RUNDC3B: variants seen among roughly 807,000 people sequenced by gnomAD.
RUNDC3B encodes the protein RUN domain-containing protein 3B.
A neutral mutation model predicts 58.4 loss-of-function variants in RUNDC3B; 33 were observed. The ratio of observed to expected loss-of-function variants is 0.56; its 90% CI spans 0.43 to 0.75. RUNDC3B has a LOEUF of 0.75. Among genes scored for constraint, RUNDC3B ranks in the 30% least tolerant of loss-of-function variants. RUNDC3B has a pLI of 0.00. For synonymous variants in RUNDC3B, 193 were observed against 195.2 expected, an observed-to-expected ratio of 0.99 and a Z score of 0.10; for missense variants, 501 against 535.7, an observed-to-expected ratio of 0.94 and a Z score of 0.64.
chr7:87,644,119 A>G (rs1822740103), intron 1 of RUNDC3B, among the ~76,000 whole-genome samples: 1 of 152,208 alleles, frequency 6.6e-6, no homozygotes, highest in African/African-American at 2.4e-5. Flanking sequence ...TTGGCCTCCC[A>G]AAGTGTTGGG....
At chr7:87,732,078 G>A (rs1345206138) in intron 4 of RUNDC3B, among the ~76,000 whole-genome samples, 2 of 152,052 alleles carry the variant, frequency 1.3e-5, no homozygotes, top group East Asian at 3.9e-4. Context: ...TGACTACAAG[G>A]CGGTAAAACT....
At chr7:87,748,006 A>G (rs1358385446) in intron 6 of RUNDC3B, among the ~76,000 whole-genome samples, 3 of 152,066 alleles carry the variant, frequency 2.0e-5, no homozygotes, top group African/African-American at 7.2e-5. Flanking sequence ...GAGGCTTCTC[A>G]CCTCGTTCAA....
chr7:87,806,187 A>C (rs1215697750), intron 8 of RUNDC3B, among the ~76,000 whole-genome samples: 2 of 152,172 alleles, frequency 1.3e-5, no homozygotes, highest in African/African-American at 4.8e-5. Context: ...ATAGTGGAAC[A>C]AGTATTTTTC....
At chr7:87,704,451 A>G (rs1196509506) in intron 3 of RUNDC3B, among the ~76,000 whole-genome samples, 1 of 152,250 alleles carries the variant, frequency 6.6e-6, no homozygotes, top group East Asian at 1.9e-4. Context: ...TTATAAAACT[A>G]GCATATCCCA....
At chr7:87,728,128 G>T (rs1008407646) in intron 4 of RUNDC3B, among the ~76,000 whole-genome samples, 30 of 152,056 alleles carry the variant, frequency 2.0e-4, no homozygotes, top group African/African-American at 7.2e-4. Flanking sequence ...TCCAGTGTTT[G>T]CAGCTCATTA....
chr7:87,698,491 G>A (rs559846558), intron 2 of RUNDC3B, among the ~76,000 whole-genome samples: 68 of 152,280 alleles, frequency 4.5e-4, no homozygotes, highest in Non-Finnish European at 7.9e-4. Context: ...AAATATATTT[G>A]TGCAAAATAT....
rs115089663 is a variant in RUNDC3B, at chr7:87,673,767, G to T, written c.238+22830G>T. Among the ~76,000 whole-genome samples the T allele has an allele frequency of 3.8e-3, 578 of 152,300 alleles. 9 individuals carry two copies. Among genetic ancestry groups the T allele is most frequent in the African/African-American group, 0.013 (542 of 41,556 alleles). ...TTGCTGGGAAACTAGGTAGTTGTTT[G>T]GAGGTAATAAGACACTCTGGCTGTT... On this transcript the variant is annotated intron_variant, in intron 2 of 10. Coordinates refer to ENST00000394654, the MANE Select transcript of RUNDC3B (RefSeq NM_001134405.2).
At chr7:87,696,228 A>G (rs1828481247) in intron 2 of RUNDC3B, among the ~76,000 whole-genome samples, 1 of 152,216 alleles carries the variant, frequency 6.6e-6, no homozygotes, top group Admixed American at 6.5e-5. Context: ...TCTTCAAGAT[A>G]TAGAGTAGTC....
At chr7:87,714,364 G>A (rs1469918490) in intron 4 of RUNDC3B, among the ~76,000 whole-genome samples, 4 of 152,196 alleles carry the variant, frequency 2.6e-5, no homozygotes, top group African/African-American at 9.7e-5. Context: ...GGGTAGGTTA[G>A]TGAGGGATTT....
At chr7:87,807,307 C>A in intron 8 of RUNDC3B, 66 bp from the exon 9 acceptor site, 3 of 1,522,738 alleles carry the variant, frequency 2.0e-6, no homozygotes, top group Non-Finnish European at 1.8e-6. Context: ...TAAATTGATA[C>A]CATTAGGTTC....
chr7:87,696,408 A>C (rs973697792), intron 2 of RUNDC3B, among the ~76,000 whole-genome samples: 2 of 152,160 alleles, frequency 1.3e-5, no homozygotes, highest in African/African-American at 4.8e-5. Flanking sequence ...CTAGCAGTTA[A>C]TCTGTATTTA....
intron 4 of RUNDC3B, among the ~76,000 whole-genome samples, chr7:87,721,832 T>C (rs1584003387): frequency 6.6e-6 from 1 of 152,096 alleles, no homozygotes; most frequent in African/African-American, 2.4e-5. Context: ...TCTGTTTCTT[T>C]GAGTTCTGCT....
chr7:87,767,808 G>A (rs1191333884), intron 6 of RUNDC3B, among the ~76,000 whole-genome samples: 1 of 152,106 alleles, frequency 6.6e-6, no homozygotes, highest in Non-Finnish European at 1.5e-5. Flanking sequence ...CTTGTCCTAG[G>A]CAGGTAGGAA....
chr7:87,779,460 T>C lies in RUNDC3B; in HGVS notation c.956+1505T>C, dbSNP rs576122557. Among the ~76,000 whole-genome samples the C allele has an allele frequency of 1.4e-3, 208 of 152,350 alleles. 1 individual carries two copies. Among genetic ancestry groups the C allele is most frequent in the African/African-American group, 4.9e-3 (205 of 41,574 alleles). On this transcript the variant is annotated intron_variant, in intron 8 of 10. Coordinates refer to ENST00000394654, the MANE Select transcript of RUNDC3B (RefSeq NM_001134405.2). ...GGCTGGATTACAACATAAGTAGTTA[T>C]GTTCTATTGGGGATATGATACCCAG...
intron 4 of RUNDC3B, among the ~76,000 whole-genome samples, chr7:87,712,844 CACAT>C (rs1830211047): frequency 6.6e-6 from 1 of 152,124 alleles, no homozygotes; most frequent in African/African-American, 2.4e-5. Flanking sequence ...GATATATGCA[CACAT>C]ACATATAATA....
chr7:87,701,926 G>A (rs879290209), intron 3 of RUNDC3B, among the ~76,000 whole-genome samples: 24 of 151,872 alleles, frequency 1.6e-4, no homozygotes, highest in Non-Finnish European at 2.5e-4. Context: ...GGCGGATCAC[G>A]AGGTCAGGAG....
intron 5 of RUNDC3B, 80 bp from the exon 6 acceptor site, chr7:87,741,419 G>C: frequency 1.2e-6 from 1 of 809,350 alleles, no homozygotes; most frequent in South Asian, 2.1e-5. Context: ...AACGTCTCTG[G>C]CAAGAGATTT....
chr7:87,740,757 T>G (rs966201475), intron 5 of RUNDC3B, among the ~76,000 whole-genome samples: 1 of 152,180 alleles, frequency 6.6e-6, no homozygotes, highest in Admixed American at 6.5e-5. Context: ...TAGTATTAGG[T>G]TTAATTAGCT....
At chr7:87,697,086 A>G (rs1199020027) in intron 2 of RUNDC3B, among the ~76,000 whole-genome samples, 3 of 152,194 alleles carry the variant, frequency 2.0e-5, no homozygotes, top group East Asian at 3.8e-4. Flanking sequence ...AAATAACATT[A>G]CAGAAAAGCA....
Sources: gnomAD v4.1 joint callset for allele counts (sites outside exome capture counted in the v4.1 genomes callset) on GRCh38, gnomAD v4.1.1 for gene constraint, MANE v1.5 for transcripts, NCBI Gene and HGNC (gene_info 2026-07-23, HGNC 2026-07-21) for gene names.